CACNA1E: variants seen among roughly 807,000 people sequenced by gnomAD.
The protein encoded by CACNA1E is voltage-dependent R-type calcium channel subunit alpha-1E.
CACNA1E carries 40 observed loss-of-function variants against 259.2 expected under a neutral mutation model. The ratio of observed to expected loss-of-function variants is 0.15; its 90% CI spans 0.12 to 0.20. CACNA1E has a LOEUF of 0.20. CACNA1E is among the 10% of genes least tolerant of loss of function. CACNA1E has a pLI of 1.00. For missense variants in CACNA1E, 1,874 were observed against 3,040.1 expected, an observed-to-expected ratio of 0.62 and a Z score of 9.02; for synonymous variants, 1,104 against 1,138.5, an observed-to-expected ratio of 0.97 and a Z score of 0.61.
intron 46 of CACNA1E, among the ~76,000 whole-genome samples, chr1:181,796,154 C>T (rs1661787627): frequency 6.6e-6 from 1 of 152,148 alleles, no homozygotes; most frequent in South Asian, 2.1e-4. Flanking sequence ...AACTTACCTG[C>T]TTACAAAATA....
chr1:181,751,082 T>G (rs1277499858), intron 26 of CACNA1E, among the ~76,000 whole-genome samples: 1 of 152,160 alleles, frequency 6.6e-6, no homozygotes, highest in Non-Finnish European at 1.5e-5. Flanking sequence ...CTCAGATTGT[T>G]GGTGTAAGAG....
chr1:181,492,122 G>GAAAAC (rs758570072), intron 1 of CACNA1E, among the ~76,000 whole-genome samples: 65 of 152,186 alleles, frequency 4.3e-4, no homozygotes, highest in East Asian at 1.3e-3. Flanking sequence ...CTTTCTCACG[G>GAAAAC]AAAACAAAAC....
chr1:181,346,070 C>G (rs1388087980), intron 1 of CACNA1E, among the ~76,000 whole-genome samples: 1 of 152,190 alleles, frequency 6.6e-6, no homozygotes, highest in Non-Finnish European at 1.5e-5. Flanking sequence ...ATGGAGACCC[C>G]TGCACAGCTG....
At chr1:181,401,544 A>G (rs377248071) in intron 1 of CACNA1E, among the ~76,000 whole-genome samples, 2 of 152,126 alleles carry the variant, frequency 1.3e-5, no homozygotes, top group African/African-American at 4.8e-5. Context: ...AGTTCACTTT[A>G]AAAAAAGCTT....
intron 1 of CACNA1E, among the ~76,000 whole-genome samples, chr1:181,394,938 A>G (rs1656555185): frequency 6.6e-6 from 1 of 152,142 alleles, no homozygotes; most frequent in African/African-American, 2.4e-5. Flanking sequence ...CTTGCTGACC[A>G]CTGGGAGGTC....
intron 1 of CACNA1E, among the ~76,000 whole-genome samples, chr1:181,373,149 C>T (rs142778361): frequency 6.6e-6 from 1 of 152,246 alleles, no homozygotes; most frequent in Non-Finnish European, 1.5e-5. Context: ...ATGCTGGCCT[C>T]ATAGAATCAG....
At chr1:181,661,744 C>T (rs1388382433) in intron 7 of CACNA1E, among the ~76,000 whole-genome samples, 3 of 152,164 alleles carry the variant, frequency 2.0e-5, no homozygotes, top group Non-Finnish European at 4.4e-5. Flanking sequence ...TCATTTAATC[C>T]TCACAGTGAC....
At chr1:181,679,512 G>A (rs951821216) in intron 7 of CACNA1E, among the ~76,000 whole-genome samples, 1 of 152,236 alleles carries the variant, frequency 6.6e-6, no homozygotes, top group African/African-American at 2.4e-5. Context: ...CATAATGCCA[G>A]GGAGCTCCAT....
intron 2 of CACNA1E, among the ~76,000 whole-genome samples, chr1:181,449,028 G>C (rs1235911805): frequency 2.0e-5 from 3 of 152,236 alleles, no homozygotes; most frequent in African/African-American, 7.2e-5. Flanking sequence ...CAGGAATTGA[G>C]GGTGCAAGGA....
At chr1:181,494,908 C>T (rs1664621166) in intron 1 of CACNA1E, among the ~76,000 whole-genome samples, 1 of 152,190 alleles carries the variant, frequency 6.6e-6, no homozygotes, top group African/African-American at 2.4e-5. Flanking sequence ...GTGCGTTGAC[C>T]GTTCAGCTTT....
At chr1:181,623,423 T>A (rs1655904994) in intron 6 of CACNA1E, among the ~76,000 whole-genome samples, 9 of 152,248 alleles carry the variant, frequency 5.9e-5, no homozygotes, top group Admixed American at 5.9e-4. Flanking sequence ...AATGATTAAA[T>A]GATTAAATAA....
chr1:181,697,758 T>G (rs569052024), intron 7 of CACNA1E, among the ~76,000 whole-genome samples: 1 of 152,372 alleles, frequency 6.6e-6, no homozygotes, highest in African/African-American at 2.4e-5. Context: ...AAGTTACTAG[T>G]GCTTTTAATT....
intron 7 of CACNA1E, among the ~76,000 whole-genome samples, chr1:181,705,461 A>G (rs1448399908): frequency 1.3e-5 from 2 of 152,268 alleles, no homozygotes; most frequent in East Asian, 3.8e-4. Context: ...ATGCAGGGCA[A>G]AGAGATCCAC....
chr1:181,575,889 T>A (rs189381548), intron 3 of CACNA1E, among the ~76,000 whole-genome samples: 48 of 152,328 alleles, frequency 3.2e-4, no homozygotes, highest in Middle Eastern at 3.4e-3. Flanking sequence ...CCTTGAAGTT[T>A]CTCTTTATCT....
chr1:181,714,664 A>G (rs967476632), intron 8 of CACNA1E, among the ~76,000 whole-genome samples: 8 of 152,192 alleles, frequency 5.3e-5, no homozygotes, highest in African/African-American at 1.7e-4. Context: ...TTAGCATATG[A>G]AAGACTGCCA....
intron 1 of CACNA1E, among the ~76,000 whole-genome samples, chr1:181,348,097 C>T (rs901498142): frequency 4.6e-5 from 7 of 151,936 alleles, no homozygotes; most frequent in African/African-American, 1.7e-4. Flanking sequence ...CAGACTCAGT[C>T]CCATTCCTTG....
At chr1:181,546,796 G>C (rs138764595) in intron 3 of CACNA1E, among the ~76,000 whole-genome samples, 1 of 152,192 alleles carries the variant, frequency 6.6e-6, no homozygotes, top group Non-Finnish European at 1.5e-5. Flanking sequence ...TCAGTGTCGG[G>C]CCATTTCAAA....
At chr1:181,728,244 G>A (rs1198471603) in intron 18 of CACNA1E, among the ~76,000 whole-genome samples, 4 of 152,184 alleles carry the variant, frequency 2.6e-5, no homozygotes, top group African/African-American at 9.7e-5. Context: ...GAGGAAGCCT[G>A]GGGGAGAAGT....
chr1:181,776,043 G>A lies in CACNA1E; in HGVS notation c.5140-58G>A. ...TCCATGCCCTGAAGCCTGTTCTTCT[G>A]CTTCCTGAGCTCTGCTTTAGGTTTC... is the stretch of plus-strand genomic sequence containing the variant. On this transcript the variant is annotated intron_variant, in intron 37 of 47. Transcript: ENST00000367573. This position sits in a 1 kb window ranked among gnomAD's most constrained non-coding sequence, Gnocchi z 4.4. 2 of 1,540,006 alleles carry A rather than the reference G, an allele frequency of 1.3e-6. No individual in the cohort carries two copies. Among genetic ancestry groups the A allele is most frequent in the Non-Finnish European group, 1.8e-6 (2 of 1,131,754 alleles).
Sources: allele counts gnomAD v4.1 joint callset (sites outside exome capture counted in the v4.1 genomes callset), GRCh38; gene constraint gnomAD v4.1.1; non-coding constraint Gnocchi (gnomAD v3.1); transcripts MANE v1.5; gene names NCBI Gene and HGNC (gene_info 2026-07-23, HGNC 2026-07-21).